PALD1: variants seen among roughly 807,000 people sequenced by gnomAD.
PALD1 encodes the protein paladin.
PALD1 carries 57 observed loss-of-function variants against 96.0 expected under a neutral mutation model. The ratio of observed to expected loss-of-function variants is 0.59; its 90% confidence interval spans 0.48 to 0.74. PALD1 has a LOEUF of 0.74. Ranked by LOEUF, PALD1 falls within the 30% of genes least tolerant of loss-of-function variation. The pLI is 0.00. For missense variants in PALD1, 1,063 were observed against 1,143.7 expected, an observed-to-expected ratio of 0.93 and a Z score of 1.02; for synonymous variants, 464 against 473.6, an observed-to-expected ratio of 0.98 and a Z score of 0.26.
At chr10:70,511,914 C>G (rs1846523095) in intron 1 of PALD1, among the ~76,000 whole-genome samples, 1 of 152,104 alleles carries the variant, frequency 6.6e-6, no homozygotes, top group Non-Finnish European at 1.5e-5. Flanking sequence ...GTAGTCCCAG[C>G]TACTCGGGAG....
At chr10:70,564,695 T>A (rs1453658984) in intron 19 of PALD1, among the ~76,000 whole-genome samples, 176 bp downstream of exon 19, 1 of 152,210 alleles carries the variant, frequency 6.6e-6, no homozygotes. Flanking sequence ...CTAATCTGAC[T>A]TTGGGTCCCG....
At chr10:70,512,532 T>C (rs989480268) in intron 1 of PALD1, among the ~76,000 whole-genome samples, 2 of 152,232 alleles carry the variant, frequency 1.3e-5, no homozygotes, top group African/African-American at 4.8e-5. Context: ...CAGCGACCTC[T>C]TCTTAGTGTG....
chr10:70,535,343 T>G (rs1379095979), intron 10 of PALD1, among the ~76,000 whole-genome samples: 2 of 152,192 alleles, frequency 1.3e-5, no homozygotes, highest in Non-Finnish European at 2.9e-5. Flanking sequence ...AGGCAGCTTC[T>G]TCTTTTTTCT....
At chr10:70,527,671 A>G (rs1846897023) in intron 2 of PALD1, among the ~76,000 whole-genome samples, 1 of 152,192 alleles carries the variant, frequency 6.6e-6, no homozygotes, top group South Asian at 2.1e-4. Flanking sequence ...AGGGAGGTAG[A>G]GAGATTTGCT....
chr10:70,484,257 C>T (rs1353956740), intron 1 of PALD1, among the ~76,000 whole-genome samples: 1 of 152,098 alleles, frequency 6.6e-6, no homozygotes, highest in Non-Finnish European at 1.5e-5. Context: ...CCTGCCTTGG[C>T]CTCCCAAAGT....
intron 1 of PALD1, among the ~76,000 whole-genome samples, chr10:70,523,517 C>T (rs911166198): frequency 1.3e-4 from 20 of 152,168 alleles, no homozygotes; most frequent in African/African-American, 4.1e-4. Context: ...GAGAAGGTTC[C>T]GCTCTGCCCT....
intron 1 of PALD1, among the ~76,000 whole-genome samples, chr10:70,479,523 C>T (rs949625603): frequency 1.3e-5 from 2 of 152,198 alleles, no homozygotes; most frequent in African/African-American, 2.4e-5. Context: ...TGATTCTTGG[C>T]CCAGTCTGGC....
upstream of PALD1, among the ~76,000 whole-genome samples, chr10:70,476,672 T>C (rs931370314): frequency 6.6e-6 from 1 of 152,150 alleles, no homozygotes; most frequent in African/African-American, 2.4e-5. Context: ...TGAGAACATC[T>C]TTGTCCTGGG....
At chr10:70,548,617 TG>T (rs2132417208) in intron 18 of PALD1, among the ~76,000 whole-genome samples, 1 of 152,282 alleles carries the variant, frequency 6.6e-6, no homozygotes, top group East Asian at 1.9e-4. Flanking sequence ...TCCATGGTGC[TG>T]AGAGAGGGCT....
chr10:70,531,258 G>A (rs1286066562), intron 4 of PALD1, 32 bp from the exon 5 acceptor site: 3 of 1,596,944 alleles, frequency 1.9e-6, no homozygotes, highest in Non-Finnish European at 2.6e-6. Flanking sequence ...GGATCATGAT[G>A]ATGGCTTCCT....
intron 1 of PALD1, among the ~76,000 whole-genome samples, chr10:70,510,458 C>G (rs1228253269): frequency 6.6e-6 from 1 of 152,136 alleles, no homozygotes; most frequent in African/African-American, 2.4e-5. Context: ...TACTCTTAAC[C>G]CTATTCTCCC....
intron 9 of PALD1, 106 bp from the exon 10 acceptor site, chr10:70,534,633 C>T (rs949323983): frequency 8.6e-7 from 1 of 1,156,882 alleles, no homozygotes; most frequent in African/African-American, 1.5e-5. Context: ...ACCTCTCTGC[C>T]AATCTTTTTC....
In PALD1 at chr10:70,505,659, G is replaced by A. The variant is rs572292297; in HGVS notation, c.-29-20264G>A. On this transcript the variant is annotated intron_variant, in intron 1 of 19. Transcript: ENST00000263563. ...CAAAACAAAACAAAAAAACAAATCA[G>A]AAACTGTCTGCCAAATACTCATATC... is the stretch of plus-strand genomic sequence containing the variant. Among the ~76,000 whole-genome samples the A allele has an allele frequency of 3.2e-4, 48 of 151,756 alleles. No individual in the cohort carries two copies. The Middle Eastern group carries it at 0.014, about 43-fold the overall frequency.
chr10:70,557,827 G>T (rs1847640895), intron 18 of PALD1, among the ~76,000 whole-genome samples: 1 of 152,024 alleles, frequency 6.6e-6, no homozygotes, highest in Non-Finnish European at 1.5e-5. Flanking sequence ...TGAGCGAGGG[G>T]ATACTAAGGA....
intron 1 of PALD1, among the ~76,000 whole-genome samples, chr10:70,500,594 C>CT (rs1014055621): frequency 2.0e-5 from 3 of 152,176 alleles, no homozygotes; most frequent in African/African-American, 7.2e-5. Context: ...AGCTCTGTTC[C>CT]TTTTTCGGGA....
chr10:70,539,373 G>A lies in PALD1; in HGVS notation c.1725+126G>A, dbSNP rs1847189912. On this transcript the variant is annotated intron_variant, in intron 14 of 19. Coordinates refer to ENST00000263563, the MANE Select transcript of PALD1 (RefSeq NM_014431.3). The surrounding 1 kb of genome is among the most constrained non-coding windows in gnomAD (Gnocchi z 4.5). ...AATCTGAGGCCCCGGGAGGAGCAGT[G>A]TCAGGGAGTGGCCAACTCAGGATTC... 8.8e-7 allele frequency: 1 copy of A among 1,134,260 alleles called. No homozygotes were observed. The highest frequency in any genetic ancestry group is 1.6e-5 in the African/African-American group (1 of 64,102). The allele number at this position is 1,134,260 out of a possible 1,614,324, so 70.3% of individuals were successfully genotyped here.
At chr10:70,498,375 G>T (rs1846231497) in intron 1 of PALD1, among the ~76,000 whole-genome samples, 1 of 152,126 alleles carries the variant, frequency 6.6e-6, no homozygotes, top group South Asian at 2.1e-4. Context: ...AAGTTCCTGG[G>T]CTCAAGCAAT....
chr10:70,469,417 A>G, the PALD1 span, among the ~76,000 whole-genome samples: 141,354 of 152,220 alleles, frequency 0.93, 65,880 homozygotes, highest in East Asian at 1. Context: ...GTGAATGCTT[A>G]TCTCAGATTG....
intron 1 of PALD1, among the ~76,000 whole-genome samples, chr10:70,505,008 A>G (rs1191126124): frequency 1.3e-5 from 2 of 152,206 alleles, no homozygotes; most frequent in East Asian, 1.9e-4. Context: ...GGATTTTGTA[A>G]TATCAGGCAT....
Sources: allele counts gnomAD v4.1 joint callset (sites outside exome capture counted in the v4.1 genomes callset), GRCh38; gene constraint gnomAD v4.1.1; non-coding constraint Gnocchi (gnomAD v3.1); transcripts MANE v1.5; gene names NCBI Gene and HGNC (gene_info 2026-07-23, HGNC 2026-07-21).